MCPH1: variants seen among roughly 807,000 people sequenced by gnomAD.
MCPH1 encodes the protein microcephalin.
Under a neutral mutation model 84.5 loss-of-function variants are expected in MCPH1, and 104 were observed. That is an observed-to-expected ratio of 1.23 (90% confidence interval 1.05 to 1.45). The LOEUF is 1.45. Ranked by LOEUF, MCPH1 falls within the 40% of genes most tolerant of loss-of-function variation. The pLI, the probability that MCPH1 is intolerant of heterozygous loss-of-function variation, is 0.00. For missense variants in MCPH1, 1,498 were observed against 1,005.7 expected, an observed-to-expected ratio of 1.49 and a Z score of -6.62; for synonymous variants, 514 against 366.8, an observed-to-expected ratio of 1.40 and a Z score of -4.58.
chr8:6,544,274 T>A (rs778685293), intron 12 of MCPH1, among the ~76,000 whole-genome samples: 1 of 152,240 alleles, frequency 6.6e-6, no homozygotes, highest in African/African-American at 2.4e-5. Flanking sequence ...AAACACGTTC[T>A]ACTTCTGTCT....
intron 13 of MCPH1, among the ~76,000 whole-genome samples, chr8:6,629,709 G>A (rs1272352229): frequency 6.6e-6 from 1 of 152,166 alleles, no homozygotes; most frequent in Non-Finnish European, 1.5e-5. Flanking sequence ...GGTAGCCTGA[G>A]CAAACTAGTT....
At chr8:6,551,941 C>T (rs569311454) in intron 12 of MCPH1, among the ~76,000 whole-genome samples, 3 of 152,166 alleles carry the variant, frequency 2.0e-5, no homozygotes, top group Admixed American at 6.5e-5. Context: ...CCAAAGACTA[C>T]GCAGTCTAAT....
chr8:6,566,877 AG>A (rs1220698505), intron 12 of MCPH1, among the ~76,000 whole-genome samples: 1 of 150,286 alleles, frequency 6.7e-6, no homozygotes, highest in African/African-American at 2.5e-5. Flanking sequence ...GGCCATGGAT[AG>A]TACACGCGGT....
In MCPH1 at chr8:6,498,705, G is replaced by C. The variant is rs527706890; in HGVS notation, c.2137-1147G>C. Among the ~76,000 whole-genome samples the C allele has an allele frequency of 3.3e-5, 5 of 152,240 alleles. No individual in the cohort carries two copies. In the East Asian group the frequency reaches 9.6e-4, roughly 29 times the overall value. ...GTACTATTCTTTTACGTTGCCTCTTGTCTGAAATGAACTTGATTTTAACCT... is the reference window on the plus strand; with the variant it reads ...GTACTATTCTTTTACGTTGCCTCTTCTCTGAAATGAACTTGATTTTAACCT... On this transcript the variant is annotated intron_variant, in intron 11 of 13. Coordinates refer to ENST00000344683, the MANE Select transcript of MCPH1 (RefSeq NM_024596.5).
At chr8:6,432,437 C>T (rs755906057) in intron 4 of MCPH1, among the ~76,000 whole-genome samples, 12 of 152,162 alleles carry the variant, frequency 7.9e-5, no homozygotes, top group Non-Finnish European at 1.6e-4. Flanking sequence ...CTTGCAGATA[C>T]AGAGGGCAAA....
At chr8:6,636,427 T>C (rs1017059155) in intron 13 of MCPH1, among the ~76,000 whole-genome samples, 2 of 152,098 alleles carry the variant, frequency 1.3e-5, no homozygotes, top group African/African-American at 4.8e-5. Flanking sequence ...GAGATAGTGA[T>C]ACCTCTGCTT....
intron 12 of MCPH1, chr8:6,527,429 G>T: frequency 1.7e-6 from 2 of 1,153,186 alleles, no homozygotes; most frequent in Non-Finnish European, 1.2e-6. Flanking sequence ...CCTCCCTCAT[G>T]AGGTTTCTGA....
chr8:6,438,319 C>G (rs1224391864), intron 5 of MCPH1, among the ~76,000 whole-genome samples: 3 of 152,168 alleles, frequency 2.0e-5, no homozygotes, highest in Admixed American at 6.5e-5. Context: ...AAGGGTGATT[C>G]AGGCTTAAGA....
chr8:6,599,564 A>G (rs1474996758), intron 12 of MCPH1, among the ~76,000 whole-genome samples: 1 of 152,238 alleles, frequency 6.6e-6, no homozygotes, highest in African/African-American at 2.4e-5. Flanking sequence ...GTAATAGCTT[A>G]TTTGTAAAGG....
At chr8:6,484,868 A>C (rs1369219810) in intron 11 of MCPH1, among the ~76,000 whole-genome samples, 1 of 152,224 alleles carries the variant, frequency 6.6e-6, no homozygotes, top group Non-Finnish European at 1.5e-5. Flanking sequence ...AGGTGGGAGT[A>C]GCATCTGCCT....
chr8:6,533,558 G>T (rs1211598004), intron 12 of MCPH1, among the ~76,000 whole-genome samples: 1 of 144,478 alleles, frequency 6.9e-6, no homozygotes, highest in Non-Finnish European at 1.5e-5. Flanking sequence ...CAGATACTTA[G>T]CGTTTAGTTT....
At chr8:6,426,302 C>A (rs1801051005) in intron 3 of MCPH1, among the ~76,000 whole-genome samples, 1 of 152,212 alleles carries the variant, frequency 6.6e-6, no homozygotes, top group African/African-American at 2.4e-5. Flanking sequence ...AGAGCATTTT[C>A]ATCACCCCAA....
intron 12 of MCPH1, among the ~76,000 whole-genome samples, chr8:6,521,874 C>T (rs1817405163): frequency 6.6e-6 from 1 of 152,164 alleles, no homozygotes; most frequent in Non-Finnish European, 1.5e-5. Flanking sequence ...AATAATAGCA[C>T]TTAATGCTAT....
At chr8:6,407,010 T>G in intron 1 of MCPH1, 1 of 321,928 alleles carries the variant, frequency 3.1e-6, no homozygotes, top group Non-Finnish European at 5.6e-6. Context: ...GTGCTGCTAG[T>G]TCCCCTCAAT....
chr8:6,430,731 A>T (rs545727875), intron 3 of MCPH1, among the ~76,000 whole-genome samples: 1 of 152,332 alleles, frequency 6.6e-6, no homozygotes, highest in South Asian at 2.1e-4. Context: ...TAAACAGCAG[A>T]TGAGTGAGAA....
At chr8:6,466,244 C>T (rs1002272270) in intron 9 of MCPH1, among the ~76,000 whole-genome samples, 1 of 150,604 alleles carries the variant, frequency 6.6e-6, no homozygotes, top group Non-Finnish European at 1.5e-5. Context: ...TCAAGTGATT[C>T]TCCTGCCTCA....
intron 12 of MCPH1, among the ~76,000 whole-genome samples, chr8:6,613,342 C>T (rs1830468677): frequency 2.6e-5 from 4 of 152,218 alleles, no homozygotes; most frequent in South Asian, 4.1e-4. Flanking sequence ...GCACACCAGC[C>T]AGATTCACCC....
chr8:6,498,172 C>G (rs1166574417), intron 11 of MCPH1, among the ~76,000 whole-genome samples: 1 of 152,212 alleles, frequency 6.6e-6, no homozygotes, highest in Admixed American at 6.5e-5. Flanking sequence ...AATGTGTCAC[C>G]TACAAGATGC....
intron 12 of MCPH1, among the ~76,000 whole-genome samples, chr8:6,586,757 T>G (rs1314341713): frequency 6.6e-6 from 1 of 152,150 alleles, no homozygotes; most frequent in Non-Finnish European, 1.5e-5. Flanking sequence ...CCCTTGAAAG[T>G]CTGTGGGCAA....
Sources: allele counts gnomAD v4.1 joint callset (sites outside exome capture counted in the v4.1 genomes callset), GRCh38; gene constraint gnomAD v4.1.1; transcripts MANE v1.5; gene names NCBI Gene and HGNC (gene_info 2026-07-23, HGNC 2026-07-21).